The following MDGA1 variants were observed in gnomAD, a reference collection of about 807,000 sequenced individuals.
MDGA1 encodes MAM domain-containing glycosylphosphatidylinositol anchor protein 1.
In MDGA1, 54 loss-of-function variants were observed where a neutral mutation model predicts 101.5. That is an observed-to-expected ratio of 0.53 (90% confidence interval 0.43 to 0.67). MDGA1 has a LOEUF of 0.67. Among genes scored for constraint, MDGA1 ranks in the 30% least tolerant of loss-of-function variants. The probability of loss-of-function intolerance (pLI) is 0.00; values close to 1 mark genes in which losing one functional copy is unlikely to be tolerated. For missense variants in MDGA1, 1,083 were observed against 1,323.8 expected, an observed-to-expected ratio of 0.82 and a Z score of 2.82; for synonymous variants, 533 against 558.3, an observed-to-expected ratio of 0.95 and a Z score of 0.64.
At chr6:37,664,414 A>C in intron 1 of MDGA1, 1 of 268,642 alleles carries the variant, frequency 3.7e-6, no homozygotes, top group East Asian at 6.8e-5. Context: ...AGTTAGCATC[A>C]CCATCTTAGC....
At chr6:37,637,896 C>T (rs989435492) in intron 16 of MDGA1, 1 of 526,516 alleles carries the variant, frequency 1.9e-6, no homozygotes. Context: ...CTGGAAGGCA[C>T]ACGTTCACCT....
At position 37,691,689 on chromosome 6, in the gene MDGA1, C is replaced by T. The variant is rs186896364; in HGVS notation, c.67+5056G>A. Among the ~76,000 whole-genome samples, 1,143 of 152,318 alleles carry T rather than the reference C, an allele frequency of 7.5e-3. 11 individuals are homozygous for T. Among genetic ancestry groups the T allele is most frequent in the Non-Finnish European group, 0.012 (816 of 68,012 alleles). On this transcript the variant is annotated intron_variant, in intron 1 of 16. Coordinates refer to ENST00000434837, the MANE Select transcript of MDGA1 (RefSeq NM_153487.4). ...TGTTGAAAAACAAAAATATTCATTC[C>T]TTTGAGCTAAGCCTTGCTCTTGCCT... is the stretch of plus-strand genomic sequence containing the variant.
In MDGA1 at chr6:37,671,249, T is replaced by C. The variant is rs141056586; in HGVS notation, c.68-7143A>G. On this transcript the variant is annotated intron_variant, in intron 1 of 16. Transcript: ENST00000434837. The stretch of plus-strand genomic sequence containing the variant: ...TGAGAAAGACTTAGCACACAAAGTA[T>C]ATTATTGAAGGCTCTGAAAAGTCCT... Among the ~76,000 whole-genome samples the C allele has an allele frequency of 7.9e-5, 12 of 152,294 alleles. No homozygotes were observed. The East Asian group carries it at 2.3e-3, about 29-fold the overall frequency.
chr6:37,695,686 C>T (rs1002983931), intron 1 of MDGA1, among the ~76,000 whole-genome samples: 1 of 152,204 alleles, frequency 6.6e-6, no homozygotes, highest in Non-Finnish European at 1.5e-5. Flanking sequence ...GTCAACCTCC[C>T]CTGGATCTAA....
intron 1 of MDGA1, among the ~76,000 whole-genome samples, chr6:37,665,291 A>C (rs1490453442): frequency 6.6e-6 from 1 of 152,166 alleles, no homozygotes; most frequent in Admixed American, 6.5e-5. Flanking sequence ...GAGTGAAGGT[A>C]GAAGGCCTGA....
chr6:37,656,662 T>C (rs1581601209), intron 3 of MDGA1, among the ~76,000 whole-genome samples: 1 of 152,296 alleles, frequency 6.6e-6, no homozygotes, highest in African/African-American at 2.4e-5. Context: ...TGTGAACCAC[T>C]GCATCCGGCC....
At chr6:37,694,261 G>A (rs183594134) in intron 1 of MDGA1, among the ~76,000 whole-genome samples, 34 of 152,182 alleles carry the variant, frequency 2.2e-4, no homozygotes, top group East Asian at 9.7e-4. Flanking sequence ...TCTGTGACTC[G>A]CCCTAAGCAG....
chr6:37,687,879 G>A (rs1278745027), intron 1 of MDGA1, among the ~76,000 whole-genome samples: 1 of 152,096 alleles, frequency 6.6e-6, no homozygotes. Context: ...GTTTCTGAAG[G>A]AGACTCCTTC....
Position 37,643,951 on chromosome 6 carries a change from G to T in MDGA1, c.2402-8C>A. The T allele has an allele frequency of 1.9e-6, 3 of 1,613,326 alleles. No individual in the cohort carries two copies. The highest frequency in any genetic ancestry group is 2.5e-6 in the Non-Finnish European group (3 of 1,179,634). The stretch of plus-strand genomic sequence containing the variant: ...CGATGAACATGTAGTAGCCTGCGGG[G>T]AATGGGGAGATGCGCCAACAGCCCC... On this transcript the variant is annotated splice_region_variant and splice_polypyrimidine_tract_variant and intron_variant, in intron 13 of 16. Coordinates refer to ENST00000434837, the MANE Select transcript of MDGA1 (RefSeq NM_153487.4).
rs1204524002 is a variant in MDGA1, at chr6:37,638,958, G to A, written c.2537-291C>T. 13 of 358,424 alleles carry A rather than the reference G, an allele frequency of 3.6e-5. No individual in the cohort carries two copies. The Middle Eastern group carries it at 2.8e-3, about 76-fold the overall frequency. The allele number at this position is 358,424 out of a possible 1,614,324, so 22.2% of individuals were successfully genotyped here. ...TCTCCCCAACCCCAAACACACACAT[G>A]CACACACACCCTACCCTTCCCCTCT... On this transcript the variant is annotated intron_variant, in intron 14 of 16. Transcript: ENST00000434837. The surrounding 1 kb of genome is among the most constrained non-coding windows in gnomAD (Gnocchi z 4.8).
At chr6:37,691,768 G>A (rs1372489753) in intron 1 of MDGA1, among the ~76,000 whole-genome samples, 1 of 152,208 alleles carries the variant, frequency 6.6e-6, no homozygotes, top group Non-Finnish European at 1.5e-5. Context: ...GTACCTTCTA[G>A]CAGCAGATGT....
At chr6:37,646,496 G>T (rs1460599613) in intron 10 of MDGA1, 121 bp from the exon 11 acceptor site, 1 of 748,824 alleles carries the variant, frequency 1.3e-6, no homozygotes, top group Non-Finnish European at 2.0e-6. Context: ...TAATAAAAAT[G>T]ATGACAGCAA....
chr6:37,689,469 C>T (rs1762264513), intron 1 of MDGA1, among the ~76,000 whole-genome samples: 1 of 152,224 alleles, frequency 6.6e-6, no homozygotes, highest in Non-Finnish European at 1.5e-5. Flanking sequence ...TGAGGCCTTG[C>T]TACGTGCCAG....
Position 37,652,033 on chromosome 6 carries a change from C to A in MDGA1, c.1290G>T (p.Glu430Asp). Residue 430 changes from glutamate to aspartate, a missense_variant, in exon 7 of 17, where the codon GAG becomes GAT. By Grantham distance (45) the Glu-to-Asp change is conservative (BLOSUM62 2). Around this residue, in one of 3 missense-constraint regions of MDGA1, gnomAD observed 657 missense variants for 771.4 expected, o/e 0.85. Coordinates refer to ENST00000434837, the MANE Select transcript of MDGA1 (RefSeq NM_153487.4). This position sits in a 1 kb window ranked among gnomAD's most constrained non-coding sequence, Gnocchi z 4.3. ...PGAPVPDLSV[E>D]VNISSETVPP... is the part of the protein sequence containing the mutation. The stretch of plus-strand genomic sequence containing the variant: ...CACCTGTCTCAGAGGAGATGTTGAC[C>A]TCGACGCTGAGGTCGGGCACGGGTG... 1.2e-6 allele frequency: 2 copies of A among 1,601,930 alleles called. No homozygotes were observed.
rs1392509417 is a variant in MDGA1, at chr6:37,638,105, C to A, written c.2776+100G>T. 5.6e-6 allele frequency: 5 copies of A among 896,682 alleles called. No homozygotes were observed. The highest frequency in any genetic ancestry group is 1.6e-5 in the African/African-American group (1 of 60,764). The allele number at this position is 896,682 out of a possible 1,614,324, so 55.5% of individuals were successfully genotyped here. ...ATTCCCATCACTCAGACATTCTGAACCCCTATTCAGACCCAAACACCCTCC... is the reference window on the plus strand; with the variant it reads ...ATTCCCATCACTCAGACATTCTGAAACCCTATTCAGACCCAAACACCCTCC... On this transcript the variant is annotated intron_variant, in intron 16 of 16. Transcript: ENST00000434837. The surrounding 1 kb of genome is among the most constrained non-coding windows in gnomAD (Gnocchi z 4.8).
At position 37,647,280 on chromosome 6, in the gene MDGA1, T is replaced by G. The variant is rs532801681; in HGVS notation, c.1939A>C (p.Thr647Pro). The change falls in exon 10 of 17, where the codon ACC becomes CCC. Residue 647 changes from threonine (T) to proline (P), a missense_variant. Around this residue, in one of 3 missense-constraint regions of MDGA1, gnomAD observed 657 missense variants for 771.4 expected, o/e 0.85. Coordinates refer to ENST00000434837, the MANE Select transcript of MDGA1 (RefSeq NM_153487.4). ...TTCTTGGACAGCTTGTGGCTGCGGGTGGGGTTGGGGGTGTCGAAGTAAAAC... is the reference window on the plus strand; with the variant it reads ...TTCTTGGACAGCTTGTGGCTGCGGGGGGGGTTGGGGGTGTCGAAGTAAAAC... ...PEFYFDTPNP[T>P]RSHKLSKNYS... The G allele has an allele frequency of 1.3e-6, 2 of 1,555,970 alleles. No individual in the cohort carries two copies. Among genetic ancestry groups the G allele is most frequent in the Non-Finnish European group, 1.7e-6 (2 of 1,150,202 alleles).
Position 37,655,137 on chromosome 6 carries a change from C to T in MDGA1, c.580-205G>A, listed in dbSNP as rs1340616564. ...CTCCATAGCCTTGGCAGTGCCTCAT[C>T]ATGGGATTCTCTGGGTCTGAGGTTG... is the stretch of plus-strand genomic sequence containing the variant. On this transcript the variant is annotated intron_variant, in intron 4 of 16. Transcript: ENST00000434837. This position sits in a 1 kb window ranked among gnomAD's most constrained non-coding sequence, Gnocchi z 5.1. The T allele has an allele frequency of 1.6e-6, 1 of 623,818 alleles. No individual in the cohort carries two copies. Among genetic ancestry groups the T allele is most frequent in the Non-Finnish European group, 2.8e-6 (1 of 363,018 alleles). The allele number at this position is 623,818 out of a possible 1,614,324, so 38.6% of individuals were successfully genotyped here. A position where few individuals can be genotyped will look rare whatever the true frequency, so the allele number is the denominator to read the frequency against.
intron 1 of MDGA1, among the ~76,000 whole-genome samples, chr6:37,683,780 C>T (rs1407607858): frequency 6.6e-6 from 1 of 152,250 alleles, no homozygotes; most frequent in Non-Finnish European, 1.5e-5. Context: ...CTTTGCTTCC[C>T]TGTCTCGCTT....
chr6:37,650,015 G>T, intron 8 of MDGA1, 94 bp downstream of exon 8: 1 of 1,489,332 alleles, frequency 6.7e-7, no homozygotes, highest in Non-Finnish European at 9.3e-7. Flanking sequence ...GGGTTTGGTT[G>T]GACTGGGGTG....
Sources: allele counts gnomAD v4.1 joint callset (sites outside exome capture counted in the v4.1 genomes callset), GRCh38; gene constraint gnomAD v4.1.1; regional missense constraint gnomAD v4.1.1; non-coding constraint Gnocchi (gnomAD v3.1); transcripts MANE v1.5; gene names NCBI Gene and HGNC (gene_info 2026-07-23, HGNC 2026-07-21).